Variants in WDR70 observed in about 807,000 individuals in gnomAD.
WDR70 encodes the protein WD repeat domain 70.
Under a neutral mutation model 88.6 loss-of-function variants are expected in WDR70, and 53 were observed. The observed-to-expected ratio is 0.60, with a 90% CI of 0.48 to 0.75. The LOEUF (loss-of-function observed/expected upper bound fraction) is 0.75, where lower values mean the gene tolerates loss of function less well. Ranked by LOEUF, WDR70 falls within the 30% of genes least tolerant of loss-of-function variation. The pLI is 0.00. For synonymous variants in WDR70, 280 were observed against 270.0 expected (o/e 1.04, Z -0.36); for missense variants, 610 against 823.2 (o/e 0.74, Z 3.17).
intron 10 of WDR70, among the ~76,000 whole-genome samples, chr5:37,611,794 TTTAA>T (rs1204275688): frequency 1.6e-5 from 2 of 127,216 alleles, no homozygotes; most frequent in African/African-American, 3.5e-5. Flanking sequence ...TTTTTTTTTT[TTTAA>T]AAAAAAACTT....
Position 37,741,848 on chromosome 5 carries a change from G to A in WDR70, c.1878-10638G>A, listed in dbSNP as rs371450563. Among the ~76,000 whole-genome samples, 161 of 152,198 alleles carry A rather than the reference G, an allele frequency of 1.1e-3. 1 individual carries two copies. The highest frequency in any genetic ancestry group is 5.4e-3 in the South Asian group (26 of 4,810). On this transcript the variant is annotated intron_variant, in intron 17 of 17. Coordinates refer to ENST00000265107, the MANE Select transcript of WDR70 (RefSeq NM_018034.4). Reference sequence around the variant, plus strand: ...ACTACTGTAGGTACCTCATATAAGCGGAATCAAACAGTTTTTGTCTTTCTG... The same window carrying A: ...ACTACTGTAGGTACCTCATATAAGCAGAATCAAACAGTTTTTGTCTTTCTG...
At chr5:37,708,853 C>T (rs1373911230) in intron 13 of WDR70, among the ~76,000 whole-genome samples, 1 of 152,160 alleles carries the variant, frequency 6.6e-6, no homozygotes, top group East Asian at 1.9e-4. Flanking sequence ...TGGGAATTCA[C>T]TTCAAACAAA....
At chr5:37,683,780 A>G (rs766065037) in intron 10 of WDR70, among the ~76,000 whole-genome samples, 2 of 151,936 alleles carry the variant, frequency 1.3e-5, no homozygotes, top group Admixed American at 1.3e-4. Context: ...AACATTTTTT[A>G]TTTAATTTCA....
intron 17 of WDR70, among the ~76,000 whole-genome samples, chr5:37,746,514 A>C (rs1462286024): frequency 1.3e-5 from 2 of 152,200 alleles, no homozygotes; most frequent in Non-Finnish European, 2.9e-5. Flanking sequence ...AACAAAATAG[A>C]TAAACTGCTA....
At chr5:37,589,249 T>TACACACAC (rs57446016) in intron 9 of WDR70, among the ~76,000 whole-genome samples, 35,206 of 139,936 alleles carry the variant, frequency 0.25, 5,282 homozygotes, top group Non-Finnish European at 0.34. Context: ...CCTACACACA[T>TACACACAC]ACACACACAC....
chr5:37,733,080 C>A (rs184301542), intron 17 of WDR70, among the ~76,000 whole-genome samples: 41 of 152,146 alleles, frequency 2.7e-4, no homozygotes, highest in Middle Eastern at 3.4e-3. Flanking sequence ...GTTCTGGAGG[C>A]CAGAAGTCTG....
intron 9 of WDR70, among the ~76,000 whole-genome samples, chr5:37,593,859 G>T (rs78287157): frequency 0.46 from 69,457 of 152,034 alleles, 17,410 homozygotes; most frequent in Non-Finnish European, 0.56. Flanking sequence ...GCGTAAGATG[G>T]TATCTCATTG....
intron 7 of WDR70, among the ~76,000 whole-genome samples, chr5:37,451,485 A>T (rs1738674794): frequency 6.6e-6 from 1 of 152,132 alleles, no homozygotes; most frequent in Non-Finnish European, 1.5e-5. Context: ...TTAAAATCGA[A>T]TTTTAATTAA....
At chr5:37,677,988 G>A (rs1470732605) in intron 10 of WDR70, among the ~76,000 whole-genome samples, 1 of 152,064 alleles carries the variant, frequency 6.6e-6, no homozygotes, top group Non-Finnish European at 1.5e-5. Flanking sequence ...TTATGTAATG[G>A]CCTTCTTTGT....
chr5:37,656,367 T>TGAGGTGTCTGTCGACCCCTCCTGG (rs1488374320), intron 10 of WDR70, among the ~76,000 whole-genome samples: 1 of 152,216 alleles, frequency 6.6e-6, no homozygotes, highest in Non-Finnish European at 1.5e-5. Context: ...CTCTCCTGTA[T>TGAGGTGTCTGTCGACCCCTCCTGG]GAGGTGTCTG....
In WDR70 at chr5:37,722,827, G is replaced by A. The variant is rs1205833078; in HGVS notation, c.1518-28G>A. Reference sequence around the variant, plus strand: ...TTTTCTGTTTCTAAGACCAAGTAAAGAAAATAATTTGCTTTTACACCCGTT... The same window carrying A: ...TTTTCTGTTTCTAAGACCAAGTAAAAAAAATAATTTGCTTTTACACCCGTT... On this transcript the variant is annotated intron_variant, in intron 14 of 17. Coordinates refer to ENST00000265107, the MANE Select transcript of WDR70 (RefSeq NM_018034.4). The A allele has an allele frequency of 3.1e-6, 5 of 1,610,124 alleles. No individual in the cohort carries two copies. In the East Asian group the frequency reaches 8.9e-5, roughly 29 times the overall value.
rs373606067 is a variant in WDR70, at chr5:37,610,105, A to G, written c.1092+4867A>G. ...GGAGTTCAAGACTCCTGTCTCTACT[A>G]AAAATACAAAATTAGCTGGGCGTGG... is the stretch of plus-strand genomic sequence containing the variant. On this transcript the variant is annotated intron_variant, in intron 10 of 17. Coordinates refer to ENST00000265107, the MANE Select transcript of WDR70 (RefSeq NM_018034.4). Among the ~76,000 whole-genome samples the G allele has an allele frequency of 1.8e-4, 27 of 152,152 alleles. 1 individual carries two copies. The South Asian group carries it at 4.1e-3, about 23-fold the overall frequency.
At chr5:37,748,691 G>A (rs1748707725) in intron 17 of WDR70, among the ~76,000 whole-genome samples, 1 of 152,134 alleles carries the variant, frequency 6.6e-6, no homozygotes, top group African/African-American at 2.4e-5. Flanking sequence ...CCTACAGAAT[G>A]GGAGAAAATT....
intron 17 of WDR70, among the ~76,000 whole-genome samples, chr5:37,740,514 A>G (rs1013066347): frequency 7.2e-5 from 11 of 152,196 alleles, no homozygotes; most frequent in Non-Finnish European, 5.9e-5. Context: ...AGCAAACAAC[A>G]CACAGCTCTT....
intron 10 of WDR70, among the ~76,000 whole-genome samples, chr5:37,676,351 G>C (rs1273459495): frequency 6.6e-6 from 1 of 152,038 alleles, no homozygotes; most frequent in Non-Finnish European, 1.5e-5. Flanking sequence ...TGTCCATTCA[G>C]GATGATATTG....
chr5:37,603,235 C>T (rs994868043), intron 9 of WDR70, among the ~76,000 whole-genome samples: 2 of 152,008 alleles, frequency 1.3e-5, no homozygotes, highest in Non-Finnish European at 2.9e-5. Context: ...CATCACATCA[C>T]ACTCCCTGAT....
chr5:37,500,924 A>G (rs1389854986), intron 8 of WDR70, among the ~76,000 whole-genome samples: 1 of 151,896 alleles, frequency 6.6e-6, no homozygotes, highest in East Asian at 1.9e-4. Context: ...CTTTTAGTAG[A>G]GACAAGGTTT....
intron 10 of WDR70, among the ~76,000 whole-genome samples, chr5:37,683,986 G>A (rs147283933): frequency 3.2e-4 from 49 of 151,924 alleles, no homozygotes; most frequent in East Asian, 9.7e-4. Context: ...CCAATTAGTC[G>A]TAGATTTGGT....
At chr5:37,680,178 T>G (rs1278192134) in intron 10 of WDR70, among the ~76,000 whole-genome samples, 3 of 152,210 alleles carry the variant, frequency 2.0e-5, no homozygotes, top group African/African-American at 7.2e-5. Flanking sequence ...TTTCATATGT[T>G]TATTGGCTGC....
Sources: allele counts gnomAD v4.1 joint callset (sites outside exome capture counted in the v4.1 genomes callset), GRCh38; gene constraint gnomAD v4.1.1; transcripts MANE v1.5; gene names NCBI Gene and HGNC (gene_info 2026-07-23, HGNC 2026-07-21).